Variants in INAVA observed in about 807,000 individuals in gnomAD.
The protein encoded by INAVA is innate immunity activator protein.
Under a neutral mutation model 55.3 loss-of-function variants are expected in INAVA, and 32 were observed. That is an observed-to-expected ratio of 0.58 (90% CI 0.44 to 0.78). The LOEUF is 0.78. Ranked by LOEUF, INAVA falls within the 30% of genes least tolerant of loss-of-function variation. INAVA has a pLI of 0.00. For synonymous variants in INAVA, 294 were observed against 329.4 expected (o/e 0.89, Z 1.16); for missense variants, 756 against 786.4 (o/e 0.96, Z 0.46).
chr1:200,913,188 G>A (rs946550053), intron 9 of INAVA, among the ~76,000 whole-genome samples: 3 of 152,196 alleles, frequency 2.0e-5, no homozygotes, highest in Admixed American at 1.3e-4. Context: ...TCCAGCTGAC[G>A]TGCTTTTCCC....
chr1:200,901,072 A>G lies in INAVA; in HGVS notation c.433A>G (p.Lys145Glu). The change falls in exon 5 of 10, where the codon AAG (lysine) becomes GAG (glutamate). Residue 145 changes from lysine (K) to glutamate (E), a missense_variant. By Grantham distance (56) the Lys-to-Glu change is moderately conservative (BLOSUM62 1). This residue lies in a region of INAVA where 639 missense variants were observed against 624.3 expected (regional missense o/e 1.02). Transcript: ENST00000413687. ...GAAGCACTCCATGCTGCAGGAGGAGAAGAAGCTGCAGGAGCTCCAGCGCTG... is the reference window on the plus strand; with the variant it reads ...GAAGCACTCCATGCTGCAGGAGGAGGAGAAGCTGCAGGAGCTCCAGCGCTG... Reference protein sequence around the residue: ...QRKHSMLQEEKKLQELQRCLV... With the variant: ...QRKHSMLQEEEKLQELQRCLV... 6.5e-7 allele frequency: 1 copy of G among 1,542,112 alleles called. No individual in the cohort carries two copies.
At chr1:200,898,019 C>T (rs747626602) in intron 1 of INAVA, among the ~76,000 whole-genome samples, 1 of 152,142 alleles carries the variant, frequency 6.6e-6, no homozygotes, top group Non-Finnish European at 1.5e-5. Flanking sequence ...CCCAGTCGAG[C>T]GGTTCTTGTG....
At chr1:200,902,449 A>G (rs1019127225) in intron 5 of INAVA, among the ~76,000 whole-genome samples, 10 of 152,264 alleles carry the variant, frequency 6.6e-5, no homozygotes, top group Admixed American at 6.5e-5. Flanking sequence ...CAGTTAACCC[A>G]GTAAACTCAG....
chr1:200,909,117 C>T, intron 7 of INAVA, 107 bp from the exon 8 acceptor site: 2 of 1,372,706 alleles, frequency 1.5e-6, no homozygotes, highest in Non-Finnish European at 2.0e-6. Context: ...GGCAGTTTGC[C>T]CTACTAACTT....
At chr1:200,896,382 G>T (rs930606942) in intron 1 of INAVA, among the ~76,000 whole-genome samples, 4 of 151,974 alleles carry the variant, frequency 2.6e-5, no homozygotes, top group Non-Finnish European at 5.9e-5. Context: ...GGGGTGAGCT[G>T]CCTGCTCCTC....
intron 9 of INAVA, 31 bp downstream of exon 9, chr1:200,912,168 A>T: frequency 6.6e-7 from 1 of 1,521,728 alleles, no homozygotes; most frequent in East Asian, 2.4e-5. Flanking sequence ...CCCCGGGGCC[A>T]GGCAGGAGGG....
intron 9 of INAVA, among the ~76,000 whole-genome samples, chr1:200,913,152 C>G (rs1653818537): frequency 6.6e-6 from 1 of 152,172 alleles, no homozygotes. Flanking sequence ...CTGGCAGCAC[C>G]CTGGCCCCGG....
chr1:200,904,259 T>G (rs1202412765), intron 5 of INAVA, among the ~76,000 whole-genome samples: 1 of 152,102 alleles, frequency 6.6e-6, no homozygotes. Flanking sequence ...CAGCTAATTT[T>G]TGTATTTTTA....
upstream of INAVA, chr1:200,891,640 G>C (rs769640329): frequency 6.6e-6 from 10 of 1,520,252 alleles, no homozygotes; most frequent in Non-Finnish European, 8.8e-6. Flanking sequence ...AGGTCCTGAA[G>C]CTGCGAGGCT....
At position 200,913,940 on chromosome 1, in the gene INAVA, C is replaced by T. The variant is rs1171516840; in HGVS notation, c.*311C>T. The T allele has an allele frequency of 1.1e-4, 35 of 311,606 alleles. 1 individual carries two copies. The East Asian group carries it at 1.2e-3, about 11-fold the overall frequency. 19.3% of individuals were successfully genotyped at this position (311,606 alleles called of 1,614,324 possible). The stretch of plus-strand genomic sequence containing the variant: ...CTTATATAAGACAAGTGGCAGGGGA[C>T]GAGTGAAGCAGAGTGAGCCACCTTG... On this transcript the variant is annotated 3_prime_UTR_variant, in exon 10 of 10. Transcript: ENST00000413687.
intron 9 of INAVA, among the ~76,000 whole-genome samples, chr1:200,912,349 C>T (rs1317445389): frequency 6.7e-6 from 1 of 148,280 alleles, no homozygotes. Context: ...CTAATTTTGC[C>T]TGCCATGTCT....
chr1:200,913,467 C>G, intron 9 of INAVA, 70 bp from the exon 10 acceptor site: 1 of 1,194,242 alleles, frequency 8.4e-7, no homozygotes, highest in Non-Finnish European at 1.2e-6. Context: ...GATGGTGTAA[C>G]TGTGCCTGCT....
In INAVA at chr1:200,913,647, G is replaced by A. The variant is rs761403809; in HGVS notation, c.*18G>A. 4 of 1,603,634 alleles carry A rather than the reference G, an allele frequency of 2.5e-6. No homozygotes were observed. The highest frequency in any genetic ancestry group is 4.5e-5 in the East Asian group (2 of 44,824). On this transcript the variant is annotated 3_prime_UTR_variant, in exon 10 of 10. Coordinates refer to ENST00000413687, the MANE Select transcript of INAVA (RefSeq NM_001142569.3). ...AGGTGTAACTCTGCGCCCCACGCTG[G>A]AAAAAACTGTTTCATAGAGGGGCTG...
intron 5 of INAVA, among the ~76,000 whole-genome samples, chr1:200,905,105 G>A (rs1653427144): frequency 6.6e-6 from 1 of 152,184 alleles, no homozygotes; most frequent in African/African-American, 2.4e-5. Flanking sequence ...CAGTAAGAGG[G>A]GGTCTCTTTA....
At chr1:200,908,516 G>C in intron 6 of INAVA, 1 of 460,786 alleles carries the variant, frequency 2.2e-6, no homozygotes, top group East Asian at 3.6e-5. Flanking sequence ...CTTCTTGAAG[G>C]AGGAAGGCAT....
At position 200,899,596 on chromosome 1, in the gene INAVA, C is replaced by T. The variant is rs760768222; in HGVS notation, c.179C>T (p.Ala60Val). Residue 60 changes from alanine (A) to valine (V), a missense_variant and splice_region_variant, in exon 3 of 10, where the codon GCG becomes GTG. Ala to Val is a moderately conservative substitution (Grantham distance 64). This residue lies in a region of INAVA where 639 missense variants were observed against 624.3 expected (regional missense o/e 1.02). Coordinates refer to ENST00000413687, the MANE Select transcript of INAVA (RefSeq NM_001142569.3). ...EELRRLCLRE[A>V]ELTGTLPAEY... ...CTGAGGAGACTCTGCCTTCGGGAAG[C>T]GGTGAGGCCCCAGCCAGCACACACA... 43 of 1,611,532 alleles carry T rather than the reference C, an allele frequency of 2.7e-5. No individual in the cohort carries two copies. Among genetic ancestry groups the T allele is most frequent in the South Asian group, 4.4e-5 (4 of 90,840 alleles).
upstream of INAVA, among the ~76,000 whole-genome samples, chr1:200,892,292 T>C (rs1348182637): frequency 6.6e-6 from 1 of 152,242 alleles, no homozygotes; most frequent in Non-Finnish European, 1.5e-5. Context: ...AGTAAGATTT[T>C]AGCAGTGCCT....
upstream of INAVA, among the ~76,000 whole-genome samples, chr1:200,892,259 G>A (rs1668252736): frequency 6.6e-6 from 1 of 152,128 alleles, no homozygotes; most frequent in Non-Finnish European, 1.5e-5. Flanking sequence ...TCTAGCGCTG[G>A]CCATTGATTC....
In INAVA at chr1:200,909,205, GTC is replaced by G. The variant is rs1653616344; in HGVS notation, c.786-15_786-14del. ...ATGGAGGCATTCCTGCCACTGACCT[GTC>G]TCTAATCCTTTTGCAGCAGCCCAGC... On this transcript the variant is annotated splice_polypyrimidine_tract_variant and intron_variant, in intron 7 of 9. Transcript: ENST00000413687. 6 of 1,494,874 alleles carry G rather than the reference GTC, an allele frequency of 4.0e-6. No homozygotes were observed. The highest frequency in any genetic ancestry group is 5.4e-6 in the Non-Finnish European group (6 of 1,118,728). 92.6% of individuals were successfully genotyped at this position (1,494,874 alleles called of 1,614,324 possible). A position where few individuals can be genotyped will look rare whatever the true frequency, so the allele number is the denominator to read the frequency against.
Sources: allele counts gnomAD v4.1 joint callset (sites outside exome capture counted in the v4.1 genomes callset), GRCh38; gene constraint gnomAD v4.1.1; regional missense constraint gnomAD v4.1.1; transcripts MANE v1.5; gene names NCBI Gene and HGNC (gene_info 2026-07-23, HGNC 2026-07-21).